EDNRA: variants seen among roughly 807,000 people sequenced by gnomAD.
The protein encoded by EDNRA is endothelin-1 receptor.
A neutral mutation model predicts 41.4 loss-of-function variants in EDNRA; 11 were observed. That is an observed-to-expected ratio of 0.27 (90% CI 0.17 to 0.44). The LOEUF (loss-of-function observed/expected upper bound fraction) is 0.44. Ranked by LOEUF, EDNRA falls within the 20% of genes least tolerant of loss-of-function variation. The pLI is 1.00. For missense variants in EDNRA, 294 were observed against 531.0 expected, an observed-to-expected ratio of 0.55 and a Z score of 4.39; for synonymous variants, 172 against 183.0, an observed-to-expected ratio of 0.94 and a Z score of 0.49.
intron 5 of EDNRA, among the ~76,000 whole-genome samples, chr4:147,538,850 T>A (rs1432119508): frequency 6.6e-6 from 1 of 152,198 alleles, no homozygotes; most frequent in Non-Finnish European, 1.5e-5. Flanking sequence ...ATGTTTCAGG[T>A]TGAGCCAGCA....
rs768101596 is a variant in EDNRA, at chr4:147,542,539, G to C, written c.1205G>C (p.Gly402Ala). 7 of 1,614,126 alleles carry C rather than the reference G, an allele frequency of 4.3e-6. No individual in the cohort carries two copies. Among genetic ancestry groups the C allele is most frequent in the Non-Finnish European group, 5.9e-6 (7 of 1,180,012 alleles). ...KSLMTSVPMN[G>A]TSIQWKNHDQ... ...CTGATGACCTCGGTCCCCATGAACGGAACAAGCATCCAGTGGAAGAACCAC... is the reference window on the plus strand; with the variant it reads ...CTGATGACCTCGGTCCCCATGAACGCAACAAGCATCCAGTGGAAGAACCAC... Residue 402 changes from glycine (G) to alanine (A), a missense_variant, in exon 8 of 8, where the codon GGA becomes GCA. By Grantham distance (60) the Gly-to-Ala change is moderately conservative. Transcript: ENST00000651419.
At position 147,519,782 on chromosome 4, in the gene EDNRA, A is replaced by G. The variant is rs1730249415; in HGVS notation, c.421-69A>G. On this transcript the variant is annotated intron_variant, in intron 2 of 7. Coordinates refer to ENST00000651419, the MANE Select transcript of EDNRA (RefSeq NM_001957.4). The surrounding 1 kb of genome is among the most constrained non-coding windows in gnomAD (Gnocchi z 4.1). The stretch of plus-strand genomic sequence containing the variant: ...AATTTAGAAGTTGGGACGCATAACT[A>G]AAACTGTAAGTGCCCACATGCTCCG... 1 of 1,544,560 alleles carries G rather than the reference A, an allele frequency of 6.5e-7. No homozygotes were observed. The highest frequency in any genetic ancestry group is 1.9e-5 in the Admixed American group (1 of 51,512).
intron 3 of EDNRA, among the ~76,000 whole-genome samples, chr4:147,524,907 T>A (rs1232835216): frequency 6.6e-6 from 1 of 150,976 alleles, no homozygotes; most frequent in Non-Finnish European, 1.5e-5. Flanking sequence ...CAAAAAAAAA[T>A]AAAAATAAAA....
intron 2 of EDNRA, among the ~76,000 whole-genome samples, chr4:147,505,849 C>T (rs1029567799): frequency 3.3e-5 from 5 of 151,792 alleles, no homozygotes; most frequent in African/African-American, 1.2e-4. Context: ...GGGGTTTCAC[C>T]GTGTCAGCCA....
intron 7 of EDNRA, among the ~76,000 whole-genome samples, chr4:147,542,002 T>C (rs1436468796): frequency 6.6e-6 from 1 of 152,094 alleles, no homozygotes; most frequent in East Asian, 1.9e-4. Flanking sequence ...CTAATTCCAG[T>C]TCTAACTCTC....
intron 1 of EDNRA, among the ~76,000 whole-genome samples, chr4:147,482,292 T>C (rs192680584): frequency 4.0e-4 from 61 of 152,368 alleles, no homozygotes; most frequent in African/African-American, 1.5e-3. Flanking sequence ...AGGTGAACTT[T>C]GATCCTGAGA....
chr4:147,509,296 C>T (rs951899383), intron 2 of EDNRA, among the ~76,000 whole-genome samples: 1 of 152,132 alleles, frequency 6.6e-6, no homozygotes, highest in Non-Finnish European at 1.5e-5. Flanking sequence ...GTGCCACGGT[C>T]GTGATTCATG....
intron 2 of EDNRA, among the ~76,000 whole-genome samples, chr4:147,502,457 A>C (rs1444595400): frequency 6.6e-6 from 1 of 152,244 alleles, no homozygotes; most frequent in African/African-American, 2.4e-5. Flanking sequence ...AAAAGTACTC[A>C]TAATGGAACC....
intron 2 of EDNRA, chr4:147,505,994 A>C: frequency 2.7e-6 from 1 of 372,440 alleles, no homozygotes; most frequent in South Asian, 2.1e-5. Context: ...AAGACCCAGC[A>C]GTTGCACTCT....
At chr4:147,504,221 C>T (rs570430569) in intron 2 of EDNRA, among the ~76,000 whole-genome samples, 4 of 152,304 alleles carry the variant, frequency 2.6e-5, no homozygotes, top group African/African-American at 7.2e-5. Context: ...AAAACTCTCC[C>T]ATTGGCAGTT....
intron 3 of EDNRA, among the ~76,000 whole-genome samples, chr4:147,531,956 G>C (rs1026256893): frequency 3.3e-5 from 5 of 149,370 alleles, no homozygotes; most frequent in African/African-American, 7.4e-5. Flanking sequence ...CTTGCAGTGA[G>C]CTGAGATCCT....
At chr4:147,502,753 G>T (rs993370399) in intron 2 of EDNRA, among the ~76,000 whole-genome samples, 1 of 152,084 alleles carries the variant, frequency 6.6e-6, no homozygotes, top group African/African-American at 2.4e-5. Flanking sequence ...ACAACTTTAC[G>T]GTGACAACTG....
intron 1 of EDNRA, among the ~76,000 whole-genome samples, chr4:147,483,415 C>G (rs538117501): frequency 6.6e-6 from 1 of 152,098 alleles, no homozygotes; most frequent in Admixed American, 6.5e-5. Flanking sequence ...TCCTGCCTAC[C>G]TAGAGTCGTA....
chr4:147,518,919 T>TAG (rs1347846591), intron 2 of EDNRA, among the ~76,000 whole-genome samples: 2 of 152,242 alleles, frequency 1.3e-5, no homozygotes, highest in Non-Finnish European at 2.9e-5. Context: ...TTTAGGTAGC[T>TAG]GAGCTATTAT....
intron 2 of EDNRA, chr4:147,506,268 C>A: frequency 2.1e-6 from 1 of 481,992 alleles, no homozygotes. Flanking sequence ...TAAAGAACAT[C>A]CATTTGTCTT....
intron 2 of EDNRA, among the ~76,000 whole-genome samples, chr4:147,504,097 T>C (rs1729606313): frequency 6.6e-6 from 1 of 152,196 alleles, no homozygotes. Context: ...CTATGTTGTT[T>C]TGGTTGAAGC....
intron 2 of EDNRA, among the ~76,000 whole-genome samples, chr4:147,504,395 A>G (rs1487737381): frequency 2.0e-5 from 3 of 152,206 alleles, no homozygotes; most frequent in Admixed American, 1.3e-4. Context: ...TAGTTTACCA[A>G]TTATAAGGAT....
intron 2 of EDNRA, among the ~76,000 whole-genome samples, chr4:147,513,843 G>A (rs1447534087): frequency 6.6e-6 from 1 of 152,172 alleles, no homozygotes; most frequent in Non-Finnish European, 1.5e-5. Context: ...TCACAGGATG[G>A]GGTGAGAGGA....
intron 2 of EDNRA, chr4:147,494,948 G>A (rs1729257361): frequency 6.6e-6 from 1 of 152,178 alleles, no homozygotes; most frequent in Admixed American, 6.5e-5. Context: ...TTGAGCCTAG[G>A]CGTTGGCTGC....
Sources: allele counts gnomAD v4.1 joint callset (sites outside exome capture counted in the v4.1 genomes callset), GRCh38; gene constraint gnomAD v4.1.1; non-coding constraint Gnocchi (gnomAD v3.1); transcripts MANE v1.5; gene names NCBI Gene and HGNC (gene_info 2026-07-23, HGNC 2026-07-21).